The following ZMAT4 variants were observed in gnomAD, a reference collection of about 807,000 sequenced individuals.
ZMAT4 encodes the protein zinc finger matrin-type protein 4.
A neutral mutation model predicts 28.7 loss-of-function variants in ZMAT4; 17 were observed. The observed-to-expected ratio is 0.59, with a 90% confidence interval of 0.41 to 0.89. The LOEUF (loss-of-function observed/expected upper bound fraction) is 0.89. Ranked by LOEUF, ZMAT4 falls within the 40% of genes least tolerant of loss-of-function variation. The pLI is 0.00. For synonymous variants in ZMAT4, 117 were observed against 109.2 expected, an observed-to-expected ratio of 1.07 and a Z score of -0.44; for missense variants, 240 against 283.8, an observed-to-expected ratio of 0.85 and a Z score of 1.11.
chr8:40,804,629 C>T (rs186348530), intron 2 of ZMAT4, among the ~76,000 whole-genome samples: 2 of 151,994 alleles, frequency 1.3e-5, no homozygotes, highest in East Asian at 1.9e-4. Flanking sequence ...TCACCTGAGT[C>T]GGGAGTTTGA....
intron 3 of ZMAT4, among the ~76,000 whole-genome samples, chr8:40,745,059 C>T (rs555420467): frequency 6.6e-6 from 1 of 152,232 alleles, no homozygotes. Context: ...TTGATAAAAG[C>T]GTGATCTCAC....
At chr8:40,579,760 G>T (rs773354189) in intron 6 of ZMAT4, among the ~76,000 whole-genome samples, 2 of 152,138 alleles carry the variant, frequency 1.3e-5, no homozygotes, top group African/African-American at 4.8e-5. Flanking sequence ...TCAAAAAAGT[G>T]TATAAAGACC....
chr8:40,610,828 A>C (rs1215165000), intron 5 of ZMAT4, among the ~76,000 whole-genome samples: 3 of 151,854 alleles, frequency 2.0e-5, no homozygotes, highest in African/African-American at 7.2e-5. Flanking sequence ...GGAATAAGAG[A>C]TAGGCCATAG....
In ZMAT4 at chr8:40,530,813, T is replaced by C. The variant is rs2118334734; in HGVS notation, c.*1410A>G. Reference sequence around the variant, plus strand: ...TTCGTCTCTCTGCAGGCACAGAAACTGGCAGACCTGGTCCCTCCTGAGCGG... The same window carrying C: ...TTCGTCTCTCTGCAGGCACAGAAACCGGCAGACCTGGTCCCTCCTGAGCGG... On this transcript the variant is annotated 3_prime_UTR_variant, in exon 7 of 7. Coordinates refer to ENST00000297737, the MANE Select transcript of ZMAT4 (RefSeq NM_024645.3). 1 of 152,704 alleles carries C rather than the reference T, an allele frequency of 6.5e-6. No homozygotes were observed. Among genetic ancestry groups the C allele is most frequent in the Admixed American group, 6.5e-5 (1 of 15,290 alleles). The allele number at this position is 152,704 out of a possible 1,614,324, so 9.5% of individuals were successfully genotyped here. A position where few individuals can be genotyped will look rare whatever the true frequency, so the allele number is the denominator to read the frequency against.
At chr8:40,658,550 A>ATGTC (rs1276820872) in intron 5 of ZMAT4, among the ~76,000 whole-genome samples, 3 of 151,546 alleles carry the variant, frequency 2.0e-5, no homozygotes, top group African/African-American at 7.3e-5. Context: ...TTGAGCTAAG[A>ATGTC]TGTCTGGCGT....
chr8:40,821,149 T>C (rs1815814155), intron 2 of ZMAT4, among the ~76,000 whole-genome samples: 1 of 152,092 alleles, frequency 6.6e-6, no homozygotes, highest in Non-Finnish European at 1.5e-5. Flanking sequence ...CCCTGTACTT[T>C]TTTCTTTTTC....
chr8:40,558,793 A>G (rs1803631720), intron 6 of ZMAT4, among the ~76,000 whole-genome samples: 2 of 151,934 alleles, frequency 1.3e-5, no homozygotes, highest in African/African-American at 4.8e-5. Context: ...GACCCCAGAG[A>G]TCCCAGCCAC....
At chr8:40,833,695 C>G (rs1225574478) in intron 1 of ZMAT4, among the ~76,000 whole-genome samples, 2 of 152,154 alleles carry the variant, frequency 1.3e-5, no homozygotes, top group African/African-American at 4.8e-5. Context: ...TTCTTTCATT[C>G]ACACACCACC....
chr8:40,864,419 C>T (rs896424064), intron 1 of ZMAT4, among the ~76,000 whole-genome samples: 47 of 152,264 alleles, frequency 3.1e-4, no homozygotes, highest in African/African-American at 1.0e-3. Flanking sequence ...TGGGGTGTCA[C>T]GCAAGATGGT....
intron 1 of ZMAT4, among the ~76,000 whole-genome samples, chr8:40,889,786 G>C (rs1366067423): frequency 2.0e-5 from 3 of 152,178 alleles, no homozygotes; most frequent in Non-Finnish European, 4.4e-5. Flanking sequence ...AATGTTTGCT[G>C]TAATGAATAA....
intron 1 of ZMAT4, among the ~76,000 whole-genome samples, chr8:40,873,765 G>A (rs1001801938): frequency 7.9e-5 from 12 of 152,222 alleles, no homozygotes; most frequent in South Asian, 4.2e-4. Context: ...CTTCATCAGC[G>A]GTTAGGACAT....
At chr8:40,689,664 T>G (rs907452598) in intron 4 of ZMAT4, among the ~76,000 whole-genome samples, 1 of 152,016 alleles carries the variant, frequency 6.6e-6, no homozygotes, top group Non-Finnish European at 1.5e-5. Context: ...CTTTAATAGA[T>G]GATTCAGGAG....
chr8:40,637,588 TA>T (rs1336681639), intron 5 of ZMAT4, among the ~76,000 whole-genome samples: 3 of 152,192 alleles, frequency 2.0e-5, no homozygotes, highest in Non-Finnish European at 4.4e-5. Context: ...AATGCCATAT[TA>T]AAATAGTTAC....
chr8:40,870,112 C>T (rs756004627), intron 1 of ZMAT4, among the ~76,000 whole-genome samples: 15 of 152,132 alleles, frequency 9.9e-5, no homozygotes, highest in Non-Finnish European at 1.8e-4. Flanking sequence ...TAAATGTACA[C>T]CTATAAAGGA....
chr8:40,695,161 C>T (rs575693114), intron 4 of ZMAT4, among the ~76,000 whole-genome samples: 4 of 152,326 alleles, frequency 2.6e-5, no homozygotes, highest in South Asian at 2.1e-4. Flanking sequence ...ATTCTGAAGG[C>T]GCTCGTGTAC....
chr8:40,677,129 C>T (rs141650947), intron 4 of ZMAT4, among the ~76,000 whole-genome samples: 10 of 152,120 alleles, frequency 6.6e-5, no homozygotes, highest in South Asian at 2.1e-4. Context: ...ACATTTTAGT[C>T]GATTTTATCA....
chr8:40,576,783 G>C (rs751691302), intron 6 of ZMAT4, among the ~76,000 whole-genome samples: 1 of 152,114 alleles, frequency 6.6e-6, no homozygotes, highest in East Asian at 1.9e-4. Context: ...TTATCACTAC[G>C]AAAAACCACC....
At chr8:40,733,678 G>A (rs1811639603) in intron 3 of ZMAT4, among the ~76,000 whole-genome samples, 1 of 152,152 alleles carries the variant, frequency 6.6e-6, no homozygotes, top group Non-Finnish European at 1.5e-5. Flanking sequence ...AATGACATAT[G>A]CAGGGATTTC....
At chr8:40,647,346 C>G (rs1239312130) in intron 5 of ZMAT4, among the ~76,000 whole-genome samples, 3 of 151,504 alleles carry the variant, frequency 2.0e-5, no homozygotes, top group Non-Finnish European at 4.4e-5. Context: ...TCACTCCCAC[C>G]CGAATACTGC....
Sources: gnomAD v4.1 joint callset for allele counts (sites outside exome capture counted in the v4.1 genomes callset) on GRCh38, gnomAD v4.1.1 for gene constraint, MANE v1.5 for transcripts, NCBI Gene and HGNC (gene_info 2026-07-23, HGNC 2026-07-21) for gene names.